Variants in DNM3 observed in about 807,000 individuals in gnomAD.
DNM3 encodes the protein dynamin-3.
A neutral mutation model predicts 101.6 loss-of-function variants in DNM3; 47 were observed. The ratio of observed to expected loss-of-function variants is 0.46; its 90% confidence interval spans 0.37 to 0.59. The LOEUF is 0.59. Ranked by LOEUF, DNM3 falls within the 20% of genes least tolerant of loss-of-function variation. The pLI is 0.00. For synonymous variants in DNM3, 385 were observed against 387.9 expected (o/e 0.99, Z 0.09); for missense variants, 849 against 1,085.7 (o/e 0.78, Z 3.06).
chr1:171,904,406 G>A (rs1185739905), intron 1 of DNM3, among the ~76,000 whole-genome samples: 10 of 152,200 alleles, frequency 6.6e-5, no homozygotes, highest in Non-Finnish European at 4.4e-5. Context: ...CCTTGGGGAT[G>A]GGAGACTGTC....
intron 14 of DNM3, among the ~76,000 whole-genome samples, chr1:172,152,212 A>G (rs1476576854): frequency 6.6e-6 from 1 of 151,736 alleles, no homozygotes; most frequent in Non-Finnish European, 1.5e-5. Flanking sequence ...TGCCAGAAGT[A>G]ATTGCCTTCT....
chr1:171,849,191 A>G lies in DNM3; in HGVS notation c.161+7374A>G, dbSNP rs565250347. On this transcript the variant is annotated intron_variant, in intron 1 of 20. Transcript: ENST00000627582. ...TATTTTTTTAGATTTCTCAAAAGTG[A>G]GTATTTGAAGAGGAGTCATCACAGC... Among the ~76,000 whole-genome samples, 30 of 152,288 alleles carry G rather than the reference A, an allele frequency of 2.0e-4. No homozygotes were observed. In the East Asian group the frequency reaches 4.4e-3, roughly 23 times the overall value.
intron 2 of DNM3, among the ~76,000 whole-genome samples, chr1:171,958,278 G>A (rs1030366246): frequency 6.6e-6 from 1 of 152,194 alleles, no homozygotes; most frequent in African/African-American, 2.4e-5. Context: ...ATGACATGTG[G>A]CAATTGTGGG....
chr1:172,339,818 G>T (rs1558016628), intron 17 of DNM3, among the ~76,000 whole-genome samples: 1 of 152,124 alleles, frequency 6.6e-6, no homozygotes, highest in East Asian at 1.9e-4. Context: ...TACTAAGTCA[G>T]TCATGATTTC....
At chr1:171,964,652 A>G (rs886111651) in intron 2 of DNM3, among the ~76,000 whole-genome samples, 1 of 152,214 alleles carries the variant, frequency 6.6e-6, no homozygotes, top group Admixed American at 6.5e-5. Context: ...AATATTTTAC[A>G]GAGTTTGACT....
At chr1:172,026,619 C>T (rs1011160904) in intron 4 of DNM3, among the ~76,000 whole-genome samples, 1 of 151,320 alleles carries the variant, frequency 6.6e-6, no homozygotes, top group Non-Finnish European at 1.5e-5. Context: ...CTACAGAAAC[C>T]CTACAAGCCA....
At chr1:172,264,735 C>T (rs1303502296) in intron 15 of DNM3, among the ~76,000 whole-genome samples, 1 of 152,146 alleles carries the variant, frequency 6.6e-6, no homozygotes, top group South Asian at 2.1e-4. Context: ...TTTCCAGAAC[C>T]TTATAGATAA....
intron 9 of DNM3, among the ~76,000 whole-genome samples, 155 bp downstream of exon 9, chr1:172,044,607 T>A (rs1474476015): frequency 1.3e-5 from 2 of 152,206 alleles, no homozygotes; most frequent in Admixed American, 6.5e-5. Flanking sequence ...GGTTTAATGG[T>A]AACTTCCTGT....
At chr1:172,166,325 ATTTCT>A (rs1038008874) in intron 14 of DNM3, among the ~76,000 whole-genome samples, 2 of 152,140 alleles carry the variant, frequency 1.3e-5, no homozygotes, top group Non-Finnish European at 2.9e-5. Flanking sequence ...CATTCTTGTG[ATTTCT>A]TTTCTTTCTC....
chr1:172,092,479 C>T (rs1266666260), intron 12 of DNM3, among the ~76,000 whole-genome samples: 1 of 152,202 alleles, frequency 6.6e-6, no homozygotes, highest in Non-Finnish European at 1.5e-5. Context: ...GCACTTAGAA[C>T]ATGGCATATA....
At chr1:171,899,923 A>G (rs2038152353) in intron 1 of DNM3, among the ~76,000 whole-genome samples, 1 of 152,338 alleles carries the variant, frequency 6.6e-6, no homozygotes, top group East Asian at 1.9e-4. Flanking sequence ...TTGAAGGACA[A>G]ATGGGCAAGG....
intron 13 of DNM3, among the ~76,000 whole-genome samples, chr1:172,108,567 T>G (rs1029333914): frequency 1.3e-5 from 2 of 152,160 alleles, no homozygotes; most frequent in Non-Finnish European, 2.9e-5. Flanking sequence ...CTTGAAAAAA[T>G]GTAAACATGT....
intron 2 of DNM3, among the ~76,000 whole-genome samples, chr1:171,938,829 GAAAAAA>G (rs2041625014): frequency 6.6e-6 from 1 of 151,928 alleles, no homozygotes; most frequent in Admixed American, 6.6e-5. Context: ...TTTTTGAGGG[GAAAAAA>G]AGGTAGTTGG....
At chr1:172,152,124 T>A (rs1185910416) in intron 14 of DNM3, among the ~76,000 whole-genome samples, 2 of 152,134 alleles carry the variant, frequency 1.3e-5, no homozygotes, top group Non-Finnish European at 2.9e-5. Context: ...ACTCATGGGA[T>A]CTTCCCACCT....
At chr1:172,157,573 G>A (rs544881352) in intron 14 of DNM3, among the ~76,000 whole-genome samples, 45 of 152,106 alleles carry the variant, frequency 3.0e-4, no homozygotes, top group African/African-American at 1.1e-3. Context: ...TTTCACATCT[G>A]TGGATTCAAC....
intron 11 of DNM3, among the ~76,000 whole-genome samples, chr1:172,076,774 T>G (rs1424935208): frequency 6.6e-6 from 1 of 152,154 alleles, no homozygotes; most frequent in African/African-American, 2.4e-5. Context: ...GCCTGAAATT[T>G]TCTTTTTTGT....
chr1:172,300,142 G>A (rs2064367904), intron 15 of DNM3, among the ~76,000 whole-genome samples: 1 of 151,970 alleles, frequency 6.6e-6, no homozygotes, highest in East Asian at 1.9e-4. Context: ...GATTAGTAAT[G>A]TTGAGCATTT....
chr1:172,361,665 A>G (rs188659047), intron 17 of DNM3, among the ~76,000 whole-genome samples: 1 of 152,040 alleles, frequency 6.6e-6, no homozygotes, highest in East Asian at 1.9e-4. Flanking sequence ...AGCCAAGTTG[A>G]GAGTCTTGAC....
intron 10 of DNM3, among the ~76,000 whole-genome samples, chr1:172,050,614 A>ACT (rs2050139407): frequency 6.6e-6 from 1 of 152,182 alleles, no homozygotes; most frequent in African/African-American, 2.4e-5. Context: ...TAATGAAAAG[A>ACT]ATGTGTGTGT....
Sources: gnomAD v4.1 joint callset for allele counts (sites outside exome capture counted in the v4.1 genomes callset) on GRCh38, gnomAD v4.1.1 for gene constraint, MANE v1.5 for transcripts, NCBI Gene and HGNC (gene_info 2026-07-23, HGNC 2026-07-21) for gene names.